The following C7orf33 variants were observed in gnomAD, a reference collection of about 807,000 sequenced individuals.
C7orf33 encodes uncharacterized protein C7orf33.
C7orf33 carries 15 observed loss-of-function variants against 13.4 expected under a neutral mutation model. The ratio of observed to expected loss-of-function variants is 1.12; its 90% CI spans 0.75 to 1.72. The LOEUF (loss-of-function observed/expected upper bound fraction) is 1.72. Ranked by LOEUF, C7orf33 falls within the 40% of genes most tolerant of loss-of-function variation. C7orf33 has a pLI of 0.00. For missense variants in C7orf33, 187 were observed against 220.3 expected (o/e 0.85, Z 0.96); for synonymous variants, 73 against 83.2 (o/e 0.88, Z 0.67).
At chr7:148,610,596 C>G (rs534931252) in intron 1 of C7orf33, among the ~76,000 whole-genome samples, 1 of 152,134 alleles carries the variant, frequency 6.6e-6, no homozygotes, top group South Asian at 2.1e-4. Context: ...TATATATATC[C>G]TATTAGTTCT....
At chr7:148,607,746 T>C (rs1049158652) in intron 1 of C7orf33, among the ~76,000 whole-genome samples, 1 of 152,210 alleles carries the variant, frequency 6.6e-6, no homozygotes, top group Non-Finnish European at 1.5e-5. Context: ...AACAAACGTA[T>C]TTTTTGTCTG....
chr7:148,613,826 T>A (rs575084387), intron 1 of C7orf33, among the ~76,000 whole-genome samples: 1 of 152,312 alleles, frequency 6.6e-6, no homozygotes, highest in Non-Finnish European at 1.5e-5. Flanking sequence ...CTAATAAAAA[T>A]TAAAATGGTG....
At chr7:148,597,628 C>A (rs1443702673) in intron 1 of C7orf33, among the ~76,000 whole-genome samples, 3 of 152,158 alleles carry the variant, frequency 2.0e-5, no homozygotes, top group African/African-American at 7.2e-5. Context: ...TAACAAGAAT[C>A]TTCATGCTAC....
intron 2 of C7orf33, among the ~76,000 whole-genome samples, chr7:148,614,637 T>G (rs1796581753): frequency 1.3e-5 from 2 of 152,318 alleles, no homozygotes; most frequent in East Asian, 3.9e-4. Flanking sequence ...GCAAATGCCA[T>G]TTCGGAGCTG....
chr7:148,598,216 C>T (rs1227617350), intron 1 of C7orf33, among the ~76,000 whole-genome samples: 1 of 152,138 alleles, frequency 6.6e-6, no homozygotes, highest in Non-Finnish European at 1.5e-5. Flanking sequence ...TTATGAAACG[C>T]ATCCATATTG....
At chr7:148,591,617 G>A (rs1451228441) in intron 1 of C7orf33, among the ~76,000 whole-genome samples, 1 of 152,076 alleles carries the variant, frequency 6.6e-6, no homozygotes, top group Non-Finnish European at 1.5e-5. Context: ...ATCTTGCTCT[G>A]TCACCCAGGC....
chr7:148,605,944 A>G (rs1234233859), intron 1 of C7orf33, among the ~76,000 whole-genome samples: 1 of 152,208 alleles, frequency 6.6e-6, no homozygotes, highest in East Asian at 1.9e-4. Flanking sequence ...TAGAAAACTA[A>G]CTTCTTGAAA....
chr7:148,599,399 T>A (rs1796388346), intron 1 of C7orf33, among the ~76,000 whole-genome samples: 2 of 152,018 alleles, frequency 1.3e-5, no homozygotes, highest in Admixed American at 1.3e-4. Flanking sequence ...AAATATCTTC[T>A]ATCCTCCTAC....
intron 1 of C7orf33, among the ~76,000 whole-genome samples, chr7:148,609,580 G>A (rs1796512716): frequency 6.6e-6 from 1 of 152,122 alleles, no homozygotes; most frequent in African/African-American, 2.4e-5. Flanking sequence ...GTCCTCCTAG[G>A]TGTAAAGTGG....
intron 2 of C7orf33, among the ~76,000 whole-genome samples, 161 bp from the exon 3 acceptor site, chr7:148,615,166 T>C (rs1453095631): frequency 6.6e-6 from 1 of 152,186 alleles, no homozygotes; most frequent in African/African-American, 2.4e-5. Context: ...CTCAAACTCC[T>C]GGGCTCAAGC....
chr7:148,607,732 C>T (rs923434739), intron 1 of C7orf33, among the ~76,000 whole-genome samples: 15 of 152,132 alleles, frequency 9.9e-5, no homozygotes, highest in Non-Finnish European at 1.5e-5. Flanking sequence ...ACTTAGGAAT[C>T]ACCAACAAAC....
chr7:148,607,965 C>T (rs1034719256), intron 1 of C7orf33, among the ~76,000 whole-genome samples: 1 of 152,084 alleles, frequency 6.6e-6, no homozygotes, highest in Non-Finnish European at 1.5e-5. Flanking sequence ...GATAAAATGG[C>T]CTTCAATCTC....
Position 148,591,048 on chromosome 7 carries a change from T to C in C7orf33, c.123T>C (p.Ser41=), listed in dbSNP as rs145680505. 4.3e-6 allele frequency: 7 copies of C among 1,613,862 alleles called. No individual in the cohort carries two copies. The African/African-American group carries it at 9.4e-5, about 22-fold the overall frequency. Residue 41 remains serine, a synonymous_variant, in exon 1 of 3, where the codon AGT becomes AGC. Coordinates refer to ENST00000307003, the MANE Select transcript of C7orf33 (RefSeq NM_145304.4). ...GGCGCCGGATTGACCTTCGCCTGAG[T>C]GGGAGGGCAGTCGCTGTTTGGGTCC... is the stretch of plus-strand genomic sequence containing the variant. The part of the protein sequence containing the change: ...GARRRIDLRL[S]GRAVAVWVHV...
intron 2 of C7orf33, 138 bp downstream of exon 2, chr7:148,614,434 A>C (rs1796579946): frequency 5.8e-6 from 6 of 1,028,728 alleles, no homozygotes; most frequent in Non-Finnish European, 1.4e-6. Context: ...AATGTCCAGC[A>C]TGAAACTGAT....
rs1169678194 is a variant in C7orf33, at chr7:148,597,193, T to C, written c.204+6064T>C. The stretch of plus-strand genomic sequence containing the variant: ...GGATACATATATATATATACACATA[T>C]ATATAATACATACATATATATGCAT... On this transcript the variant is annotated intron_variant, in intron 1 of 2. Transcript: ENST00000307003. Among the ~76,000 whole-genome samples the C allele has an allele frequency of 5.3e-5, 8 of 151,586 alleles. 1 individual carries two copies. The highest frequency in any genetic ancestry group is 1.9e-4 in the African/African-American group (8 of 41,430).
At chr7:148,610,094 C>G (rs1332577089) in intron 1 of C7orf33, among the ~76,000 whole-genome samples, 1 of 152,178 alleles carries the variant, frequency 6.6e-6, no homozygotes, top group African/African-American at 2.4e-5. Flanking sequence ...GACTTTATTG[C>G]ACAGTGAGAG....
At chr7:148,609,957 A>G (rs570413699) in intron 1 of C7orf33, among the ~76,000 whole-genome samples, 1 of 152,214 alleles carries the variant, frequency 6.6e-6, no homozygotes, top group East Asian at 1.9e-4. Flanking sequence ...CCTTCCAACT[A>G]GCAGATTCCA....
intron 1 of C7orf33, among the ~76,000 whole-genome samples, chr7:148,604,549 G>A (rs1219343079): frequency 6.6e-6 from 1 of 152,160 alleles, no homozygotes; most frequent in Non-Finnish European, 1.5e-5. Flanking sequence ...GGACTTTGGG[G>A]ACTCAGGGGA....
rs192615155 is a variant in C7orf33 at position 148,600,613 on chromosome 7, T to C, written c.204+9484T>C. 2.9e-3 allele frequency among the ~76,000 whole-genome samples: 449 copies of C among 152,328 alleles called. 3 individuals carry two copies. Among genetic ancestry groups the C allele is most frequent in the Non-Finnish European group, 1.3e-3 (91 of 68,032 alleles). Reference sequence around the variant, plus strand: ...CAATGTTTGTTGTTCATGGTACTCATTAAGATAAAAATTTGTTATGCACCT... The same window carrying C: ...CAATGTTTGTTGTTCATGGTACTCACTAAGATAAAAATTTGTTATGCACCT... On this transcript the variant is annotated intron_variant, in intron 1 of 2. Coordinates refer to ENST00000307003, the MANE Select transcript of C7orf33 (RefSeq NM_145304.4).
Sources: gnomAD v4.1 joint callset for allele counts (sites outside exome capture counted in the v4.1 genomes callset) on GRCh38, gnomAD v4.1.1 for gene constraint, MANE v1.5 for transcripts, NCBI Gene and HGNC (gene_info 2026-07-23, HGNC 2026-07-21) for gene names.